The following ITGA8 variants were observed in gnomAD, a reference collection of about 807,000 sequenced individuals.
The protein encoded by ITGA8 is integrin alpha-8.
A neutral mutation model predicts 142.3 loss-of-function variants in ITGA8; 91 were observed. The observed-to-expected ratio is 0.64, with a 90% CI of 0.54 to 0.76. ITGA8 has a LOEUF of 0.76. ITGA8 is among the 30% of genes least tolerant of loss of function. The pLI is 0.00. For missense variants in ITGA8, 1,406 were observed against 1,327.7 expected (o/e 1.06, Z -0.92); for synonymous variants, 505 against 485.2 (o/e 1.04, Z -0.54).
At position 15,666,029 on chromosome 10, in the gene ITGA8, A is replaced by G. The variant is rs138354841; in HGVS notation, c.848-5107T>C. On this transcript the variant is annotated intron_variant, in intron 8 of 29. Coordinates refer to ENST00000378076, the MANE Select transcript of ITGA8 (RefSeq NM_003638.3). ...TTTTTTGGTTCCATACGAACTTTAA[A>G]GTAGTTTTTTTCCAATTCTGTGAAG... Among the ~76,000 whole-genome samples, 896 of 152,338 alleles carry G rather than the reference A, an allele frequency of 5.9e-3. 6 individuals carry two copies. The highest frequency in any genetic ancestry group is 7.8e-3 in the Non-Finnish European group (531 of 68,034).
At chr10:15,639,698 A>C (rs546179342) in intron 13 of ITGA8, among the ~76,000 whole-genome samples, 1 of 152,360 alleles carries the variant, frequency 6.6e-6, no homozygotes, top group African/African-American at 2.4e-5. Context: ...TAGAGGACTC[A>C]TTCCCAAAGT....
At chr10:15,642,433 T>C (rs1018897670) in intron 13 of ITGA8, among the ~76,000 whole-genome samples, 14 of 152,192 alleles carry the variant, frequency 9.2e-5, no homozygotes, top group Non-Finnish European at 1.9e-4. Flanking sequence ...ACTACCATAA[T>C]AAATAGCAGT....
intron 9 of ITGA8, among the ~76,000 whole-genome samples, chr10:15,659,263 T>A (rs1242264494): frequency 6.6e-6 from 1 of 152,174 alleles, no homozygotes; most frequent in East Asian, 1.9e-4. Context: ...TCTGGGATGC[T>A]TTCAGAAAAA....
chr10:15,523,377 A>C (rs4750667), intron 28 of ITGA8, among the ~76,000 whole-genome samples: 150,713 of 152,294 alleles, frequency 0.99, 74,597 homozygotes, highest in East Asian at 1. Context: ...TGAGGATATG[A>C]TTCTTAGGGT....
At chr10:15,697,963 A>C (rs1034527095) in intron 2 of ITGA8, among the ~76,000 whole-genome samples, 1 of 152,134 alleles carries the variant, frequency 6.6e-6, no homozygotes, top group Non-Finnish European at 1.5e-5. Flanking sequence ...TGGTTACATG[A>C]GTAAGTTCTT....
chr10:15,643,727 G>A (rs892654670), intron 13 of ITGA8, among the ~76,000 whole-genome samples: 21 of 152,302 alleles, frequency 1.4e-4, no homozygotes, highest in Admixed American at 8.5e-4. Context: ...TGCAAGCCGC[G>A]GTATTGAGGA....
chr10:15,572,181 A>G (rs772700578), intron 25 of ITGA8, 30 bp downstream of exon 25: 54 of 1,521,190 alleles, frequency 3.5e-5, no homozygotes, highest in Non-Finnish European at 4.2e-5. Flanking sequence ...AATAAAATCA[A>G]CAAAGCCACT....
chr10:15,578,490 T>C (rs1228479611), intron 23 of ITGA8, among the ~76,000 whole-genome samples: 1 of 152,168 alleles, frequency 6.6e-6, no homozygotes, highest in Non-Finnish European at 1.5e-5. Context: ...GGGATTCTTG[T>C]GTGAACTTTG....
intron 2 of ITGA8, among the ~76,000 whole-genome samples, chr10:15,699,715 G>A (rs989201831): frequency 6.6e-6 from 1 of 152,188 alleles, no homozygotes; most frequent in Non-Finnish European, 1.5e-5. Context: ...CTGGGTCATA[G>A]AGAATGATCA....
chr10:15,655,361 T>A lies in ITGA8; in HGVS notation c.994A>T (p.Ser332Cys), dbSNP rs1834163889. The change falls in exon 11 of 30, where the codon AGT becomes TGT. Residue 332 changes from serine to cysteine, a missense_variant. By Grantham distance (112) the Ser-to-Cys change is moderately radical. Transcript: ENST00000378076. ...AGAGGTCTATAAACTTACCCATCAC[T>A]GTTAACATCTGATACGACAACGGTA... ...GYTVVVSDVN[S>C]DGLDDVLVGA... 1.3e-6 allele frequency: 2 copies of A among 1,595,680 alleles called. No homozygotes were observed. The highest frequency in any genetic ancestry group is 1.7e-6 in the Non-Finnish European group (2 of 1,163,520).
intron 20 of ITGA8, among the ~76,000 whole-genome samples, chr10:15,601,102 G>A (rs1358077736): frequency 6.6e-6 from 1 of 152,096 alleles, no homozygotes; most frequent in African/African-American, 2.4e-5. Context: ...AGTCAGGCGT[G>A]GTGGTGGGCG....
At chr10:15,586,697 C>G (rs377185551) in intron 22 of ITGA8, 33 bp from the exon 23 acceptor site, 79 of 1,250,064 alleles carry the variant, frequency 6.3e-5, no homozygotes, top group Non-Finnish European at 9.2e-5. Flanking sequence ...TTAAATCTAT[C>G]TGCTCAGGAG....
rs973271445 is a variant in ITGA8 at position 15,563,418 on chromosome 10, A to G, written c.2638-5216T>C. On this transcript the variant is annotated intron_variant, in intron 25 of 29. Transcript: ENST00000378076. ...TTTCTATCATATACTATGTGGGTGT[A>G]CATGTAGATTTTGCTTTGAGATGAA... Among the ~76,000 whole-genome samples, 3 of 151,570 alleles carry G rather than the reference A, an allele frequency of 2.0e-5. No homozygotes were observed. In the East Asian group the frequency reaches 5.8e-4, roughly 29 times the overall value.
At chr10:15,550,730 T>A (rs1305320733) in intron 26 of ITGA8, among the ~76,000 whole-genome samples, 1 of 152,154 alleles carries the variant, frequency 6.6e-6, no homozygotes, top group Non-Finnish European at 1.5e-5. Flanking sequence ...TTCCTATGCA[T>A]GCTAAGGAGT....
chr10:15,576,550 C>T (rs914293966), intron 23 of ITGA8, among the ~76,000 whole-genome samples: 3 of 152,138 alleles, frequency 2.0e-5, no homozygotes, highest in African/African-American at 4.8e-5. Flanking sequence ...TCTCTTTTGG[C>T]AATCAGATGT....
intron 28 of ITGA8, among the ~76,000 whole-genome samples, chr10:15,519,643 G>A (rs1833020864): frequency 6.6e-6 from 1 of 152,098 alleles, no homozygotes. Context: ...TGGGTGGGTG[G>A]CTTTGCATCA....
chr10:15,519,229 C>G, intron 29 of ITGA8, 61 bp downstream of exon 29: 1 of 1,582,960 alleles, frequency 6.3e-7, no homozygotes, highest in Non-Finnish European at 8.6e-7. Context: ...CTAACTGTAT[C>G]CCTCTAAATT....
intron 6 of ITGA8, among the ~76,000 whole-genome samples, chr10:15,675,639 G>A (rs1027341402): frequency 6.6e-6 from 1 of 152,152 alleles, no homozygotes; most frequent in African/African-American, 2.4e-5. Flanking sequence ...CTGTAACGCA[G>A]CCAGAATGAT....
chr10:15,551,419 T>C (rs898638176), intron 26 of ITGA8, among the ~76,000 whole-genome samples: 4 of 151,966 alleles, frequency 2.6e-5, no homozygotes, highest in Non-Finnish European at 4.4e-5. Context: ...AGAAATGTGA[T>C]AGTTTCAAGA....
Sources: allele counts gnomAD v4.1 joint callset (sites outside exome capture counted in the v4.1 genomes callset), GRCh38; gene constraint gnomAD v4.1.1; transcripts MANE v1.5; gene names NCBI Gene and HGNC (gene_info 2026-07-23, HGNC 2026-07-21).